Variants in CD33 observed in about 807,000 individuals in gnomAD.
CD33 encodes myeloid cell surface antigen CD33.
Under a neutral mutation model 31.4 loss-of-function variants are expected in CD33, and 25 were observed. The ratio of observed to expected loss-of-function variants is 0.80; its 90% CI spans 0.58 to 1.11. The LOEUF (loss-of-function observed/expected upper bound fraction) is 1.11, where lower values mean the gene tolerates loss of function less well. Ranked by LOEUF, CD33 falls within the 50% of genes most tolerant of loss-of-function variation. CD33 has a pLI of 0.00. For synonymous variants in CD33, 176 were observed against 180.6 expected (o/e 0.97, Z 0.20); for missense variants, 407 against 448.1 (o/e 0.91, Z 0.83).
At chr19:51,226,992 T>G (rs1204750278) in intron 4 of CD33, among the ~76,000 whole-genome samples, 1 of 151,974 alleles carries the variant, frequency 6.6e-6, no homozygotes, top group Admixed American at 6.6e-5. Flanking sequence ...GTTCCTAGCT[T>G]ATTTCATTTA....
intron 6 of CD33, chr19:51,236,162 A>C (rs536559892): frequency 4.3e-5 from 15 of 352,584 alleles, no homozygotes; most frequent in Non-Finnish European, 7.6e-5. Context: ...TGTCCCAAAA[A>C]GAAAAAAAAA....
chr19:51,237,649 G>C (rs1461019777), intron 6 of CD33: 1 of 152,380 alleles, frequency 6.6e-6, no homozygotes, highest in Middle Eastern at 3.4e-3. Context: ...TTACGTGTTG[G>C]GGGTGGAGTG....
the CD33 span, among the ~76,000 whole-genome samples, chr19:51,218,873 A>C: frequency 1.3e-5 from 2 of 152,110 alleles, no homozygotes; most frequent in Admixed American, 1.3e-4. Context: ...ATTCTGTTTC[A>C]TTAATCTGTG....
chr19:51,211,326 G>C, the CD33 span: 2 of 1,562,110 alleles, frequency 1.3e-6, no homozygotes, highest in Non-Finnish European at 1.8e-6. Context: ...ACTACAACAG[G>C]AATTTCTCAG....
At chr19:51,216,507 G>A in the CD33 span, among the ~76,000 whole-genome samples, 1 of 151,904 alleles carries the variant, frequency 6.6e-6, no homozygotes, top group Admixed American at 6.6e-5. Flanking sequence ...TCAGGAGTTC[G>A]AGACCGGCCT....
chr19:51,224,236 T>C (rs1045755504), upstream of CD33, among the ~76,000 whole-genome samples: 2 of 152,186 alleles, frequency 1.3e-5, no homozygotes, highest in Non-Finnish European at 2.9e-5. Context: ...TGTGTGTCTG[T>C]ACCCATACAT....
intron 6 of CD33, chr19:51,237,648 G>C (rs1380174943): frequency 6.6e-6 from 1 of 152,268 alleles, no homozygotes; most frequent in Non-Finnish European, 1.5e-5. Flanking sequence ...GTTACGTGTT[G>C]GGGGTGGAGT....
At chr19:51,211,194 T>C in the CD33 span, 2 of 1,580,318 alleles carry the variant, frequency 1.3e-6, no homozygotes, top group Non-Finnish European at 1.7e-6. Flanking sequence ...GAGCTGACCC[T>C]CGTTTCCCCA....
chr19:51,217,953 G>A, the CD33 span, among the ~76,000 whole-genome samples: 1 of 152,108 alleles, frequency 6.6e-6, no homozygotes, highest in Admixed American at 6.6e-5. Context: ...TAAGCATTAG[G>A]TTGATTCCAT....
rs1305472298 is a variant in CD33 at position 51,225,353 on chromosome 19, G to C, written c.173G>C (p.Gly58Ala). The part of the protein sequence containing the change: ...PYYDKNSPVH[G>A]YWFREGAIIS... ...TACGACAAGAACTCCCCAGTTCATG[G>C]TTACTGGTTCCGGGAAGGAGCCATT... Residue 58 changes from glycine (G) to alanine (A), a missense_variant, in exon 2 of 7, where the codon GGT becomes GCT. By Grantham distance (60) the Gly-to-Ala change is moderately conservative. Transcript: ENST00000262262. 1 of 1,614,056 alleles carries C rather than the reference G, an allele frequency of 6.2e-7. No individual in the cohort carries two copies. Among genetic ancestry groups the C allele is most frequent in the Non-Finnish European group, 8.5e-7 (1 of 1,180,040 alleles).
At chr19:51,212,250 G>A in the CD33 span, among the ~76,000 whole-genome samples, 2 of 152,104 alleles carry the variant, frequency 1.3e-5, no homozygotes, top group Non-Finnish European at 2.9e-5. Flanking sequence ...GGGAAGGAGT[G>A]CCGCCCTTAT....
the CD33 span, chr19:51,211,788 C>T: frequency 2.4e-6 from 2 of 828,586 alleles, no homozygotes; most frequent in African/African-American, 1.7e-5. Flanking sequence ...CGTTTCCTCA[C>T]CAGCCCTGAC....
upstream of CD33, among the ~76,000 whole-genome samples, chr19:51,224,901 C>T (rs967992838): frequency 4.6e-5 from 7 of 152,168 alleles, no homozygotes; most frequent in African/African-American, 1.7e-4. Flanking sequence ...TCCATCTCCT[C>T]CCATCTCTGG....
At chr19:51,213,778 T>G in the CD33 span, among the ~76,000 whole-genome samples, 1 of 151,714 alleles carries the variant, frequency 6.6e-6, no homozygotes. Flanking sequence ...TCAAGTAATC[T>G]GCCTGCCTCG....
In CD33 at chr19:51,228,562, C is replaced by T. The variant is rs147114763; in HGVS notation, c.745+2206C>T. 7.3e-3 allele frequency among the ~76,000 whole-genome samples: 1,109 copies of T among 152,286 alleles called. 6 individuals are homozygous for T. Among genetic ancestry groups the T allele is most frequent in the African/African-American group, 0.024 (988 of 41,550 alleles). On this transcript the variant is annotated intron_variant, in intron 4 of 6. Coordinates refer to ENST00000262262, the MANE Select transcript of CD33 (RefSeq NM_001772.4). ...CTTCCTGATTTATTTTCAGCTAATTCATTGTGTGTAGAAATGCTACTGATT... is the reference window on the plus strand; with the variant it reads ...CTTCCTGATTTATTTTCAGCTAATTTATTGTGTGTAGAAATGCTACTGATT...
the CD33 span, among the ~76,000 whole-genome samples, chr19:51,218,368 G>A: frequency 6.6e-6 from 1 of 152,060 alleles, no homozygotes; most frequent in East Asian, 1.9e-4. Flanking sequence ...ACTATTTAAT[G>A]GGATTTTTTG....
intron 4 of CD33, among the ~76,000 whole-genome samples, chr19:51,229,498 A>T (rs972900648): frequency 6.6e-6 from 1 of 152,046 alleles, no homozygotes; most frequent in Non-Finnish European, 1.5e-5. Context: ...GGTTCAGTAA[A>T]GTTCAGCACT....
At chr19:51,233,007 A>G (rs1445697902) in intron 4 of CD33, among the ~76,000 whole-genome samples, 4 of 152,174 alleles carry the variant, frequency 2.6e-5, no homozygotes, top group African/African-American at 9.7e-5. Context: ...TAGGGGGTGT[A>G]CCAGCCAGTG....
At chr19:51,221,417 T>G (rs1023708443), upstream of CD33, among the ~76,000 whole-genome samples, 1 of 152,200 alleles carries the variant, frequency 6.6e-6, no homozygotes, top group African/African-American at 2.4e-5. Flanking sequence ...TAAGCATTCT[T>G]AGGTAGCATT....
Sources: gnomAD v4.1 joint callset for allele counts (sites outside exome capture counted in the v4.1 genomes callset) on GRCh38, gnomAD v4.1.1 for gene constraint, MANE v1.5 for transcripts, NCBI Gene and HGNC (gene_info 2026-07-23, HGNC 2026-07-21) for gene names.